CPNE4: variants seen among roughly 807,000 people sequenced by gnomAD.
CPNE4 encodes the protein copine-4.
CPNE4 carries 25 observed loss-of-function variants against 67.9 expected under a neutral mutation model. The ratio of observed to expected loss-of-function variants is 0.37; its 90% CI spans 0.27 to 0.51. The LOEUF is 0.51. CPNE4 is among the 20% of genes least tolerant of loss of function. The pLI, the probability that CPNE4 is intolerant of heterozygous loss-of-function variation, is 0.93. For synonymous variants in CPNE4, 242 were observed against 244.9 expected, an observed-to-expected ratio of 0.99 and a Z score of 0.11; for missense variants, 464 against 690.8, an observed-to-expected ratio of 0.67 and a Z score of 3.68.
intron 1 of CPNE4, among the ~76,000 whole-genome samples, chr3:132,012,325 C>T (rs7643231): frequency 0.84 from 126,935 of 151,558 alleles, 54,238 homozygotes; most frequent in Non-Finnish European, 0.93. Context: ...TGTGTCACGA[C>T]ACCTGGCTAA....
chr3:131,781,587 C>T (rs1173487283), intron 2 of CPNE4, among the ~76,000 whole-genome samples: 8 of 152,046 alleles, frequency 5.3e-5, no homozygotes, highest in East Asian at 1.9e-4. Flanking sequence ...GATATGTAGA[C>T]GAGTTCAAAC....
chr3:132,022,265 A>G (rs1195693810), intron 1 of CPNE4, among the ~76,000 whole-genome samples: 1 of 152,198 alleles, frequency 6.6e-6, no homozygotes, highest in African/African-American at 2.4e-5. Flanking sequence ...GAGTTCTTAA[A>G]AGCAGCCCTA....
chr3:131,887,563 G>A (rs2087945999), intron 2 of CPNE4, among the ~76,000 whole-genome samples: 1 of 152,154 alleles, frequency 6.6e-6, no homozygotes, highest in Admixed American at 6.5e-5. Flanking sequence ...GATACTAGCT[G>A]TTTTTATTTC....
intron 2 of CPNE4, among the ~76,000 whole-genome samples, chr3:131,813,792 T>C (rs1176058278): frequency 6.6e-6 from 1 of 152,196 alleles, no homozygotes; most frequent in Non-Finnish European, 1.5e-5. Context: ...CCAGAACACT[T>C]ATTTATTCCT....
upstream of CPNE4, among the ~76,000 whole-genome samples, chr3:132,039,217 T>C (rs2074377466): frequency 6.6e-6 from 1 of 151,724 alleles, no homozygotes; most frequent in Admixed American, 6.6e-5. Context: ...TCTGTGAGAG[T>C]TTTCAAAGAG....
chr3:132,038,414 T>G (rs1334252875), upstream of CPNE4, among the ~76,000 whole-genome samples: 1 of 152,170 alleles, frequency 6.6e-6, no homozygotes, highest in Non-Finnish European at 1.5e-5. Flanking sequence ...AAAGGGCAGT[T>G]TATACTTCTG....
chr3:131,984,924 T>C (rs1560736727), intron 1 of CPNE4, among the ~76,000 whole-genome samples: 1 of 152,244 alleles, frequency 6.6e-6, no homozygotes, highest in Non-Finnish European at 1.5e-5. Context: ...CTTCTCTTTC[T>C]TGTCTGACTT....
intron 1 of CPNE4, among the ~76,000 whole-genome samples, chr3:131,941,682 G>C (rs1169466207): frequency 1.3e-5 from 2 of 152,106 alleles, no homozygotes; most frequent in Non-Finnish European, 2.9e-5. Context: ...CTGGTTTAGA[G>C]CATACATATT....
chr3:131,973,820 AG>A lies in CPNE4; in HGVS notation c.-2+60746del, dbSNP rs1395202828. Among the ~76,000 whole-genome samples the A allele has an allele frequency of 2.0e-5, 3 of 152,362 alleles. No individual in the cohort carries two copies. In the East Asian group the frequency reaches 5.8e-4, roughly 29 times the overall value. On this transcript the variant is annotated intron_variant, in intron 1 of 15. Transcript: ENST00000429747. ...TTATCTACTTAACTATTACCCAGGAAGAATAGGAATAACGTCAAAAGCATTT... is the reference window on the plus strand; with the variant it reads ...TTATCTACTTAACTATTACCCAGGAAAATAGGAATAACGTCAAAAGCATTT...
chr3:131,883,981 G>GTT (rs10662767), intron 2 of CPNE4, among the ~76,000 whole-genome samples: 43,754 of 152,002 alleles, frequency 0.29, 7,350 homozygotes, highest in Non-Finnish European at 0.37. Flanking sequence ...CCTCAGATAA[G>GTT]TTTTTCTTGG....
At chr3:131,991,908 G>C (rs6766423) in intron 1 of CPNE4, among the ~76,000 whole-genome samples, 18,281 of 136,140 alleles carry the variant, frequency 0.13, 4,324 homozygotes, top group African/African-American at 0.41. Context: ...TTCAGAGGGT[G>C]AAAGTGCCAA....
At chr3:131,696,121 C>T (rs151290579) in intron 5 of CPNE4, among the ~76,000 whole-genome samples, 40 of 152,192 alleles carry the variant, frequency 2.6e-4, no homozygotes, top group African/African-American at 8.7e-4. Context: ...ACTATTAATA[C>T]GTGATAAATA....
At chr3:131,817,485 A>T (rs1180918528) in intron 2 of CPNE4, among the ~76,000 whole-genome samples, 2 of 152,220 alleles carry the variant, frequency 1.3e-5, no homozygotes, top group African/African-American at 2.4e-5. Flanking sequence ...AGAAGTTAGC[A>T]AGGAGTCAAA....
At chr3:131,709,935 C>T (rs1399173448) in intron 3 of CPNE4, among the ~76,000 whole-genome samples, 1 of 152,170 alleles carries the variant, frequency 6.6e-6, no homozygotes, top group African/African-American at 2.4e-5. Flanking sequence ...TTTCCCGCCA[C>T]CCTCTATTTC....
intron 7 of CPNE4, among the ~76,000 whole-genome samples, chr3:131,617,889 A>G (rs1940249193): frequency 6.6e-6 from 1 of 152,196 alleles, no homozygotes; most frequent in Non-Finnish European, 1.5e-5. Context: ...TGACACCAAT[A>G]TTAACTCACC....
chr3:131,964,628 T>A (rs1010441793), intron 1 of CPNE4, among the ~76,000 whole-genome samples: 1 of 151,316 alleles, frequency 6.6e-6, no homozygotes, highest in Non-Finnish European at 1.5e-5. Flanking sequence ...ATATCAGAGA[T>A]TGAAGATCAA....
intron 1 of CPNE4, among the ~76,000 whole-genome samples, chr3:132,032,522 G>T (rs1398140575): frequency 6.6e-6 from 1 of 152,230 alleles, no homozygotes; most frequent in Non-Finnish European, 1.5e-5. Flanking sequence ...TTTTGAGTTT[G>T]ATCCTCTAAA....
chr3:131,743,981 A>AAAAC (rs1553763731), intron 2 of CPNE4, among the ~76,000 whole-genome samples: 5 of 148,958 alleles, frequency 3.4e-5, no homozygotes, highest in African/African-American at 9.8e-5. Flanking sequence ...AAAAAAAAAA[A>AAAAC]AAACAATAAA....
chr3:131,816,244 TGATACTCA>T (rs1473678777), intron 2 of CPNE4, among the ~76,000 whole-genome samples: 1 of 152,210 alleles, frequency 6.6e-6, no homozygotes, highest in Non-Finnish European at 1.5e-5. Context: ...GGGCTAAGAC[TGATACTCA>T]GATACTGATG....
Sources: allele counts gnomAD v4.1 joint callset (sites outside exome capture counted in the v4.1 genomes callset), GRCh38; gene constraint gnomAD v4.1.1; transcripts MANE v1.5; gene names NCBI Gene and HGNC (gene_info 2026-07-23, HGNC 2026-07-21).